The following CEP112 variants were observed in gnomAD, a reference collection of about 807,000 sequenced individuals.
CEP112 encodes centrosomal protein of 112 kDa.
CEP112 carries 127 observed loss-of-function variants against 153.0 expected under a neutral mutation model. The observed-to-expected ratio is 0.83, with a 90% CI of 0.72 to 0.96. The LOEUF (loss-of-function observed/expected upper bound fraction) is 0.96, where lower values mean the gene tolerates loss of function less well. CEP112 is among the 40% of genes least tolerant of loss of function. The probability of loss-of-function intolerance (pLI) is 0.00; values close to 1 mark genes in which losing one functional copy is unlikely to be tolerated. For synonymous variants in CEP112, 358 were observed against 374.4 expected (o/e 0.96, Z 0.51); for missense variants, 1,089 against 1,101.2 (o/e 0.99, Z 0.16).
chr17:65,880,871 T>G (rs1305485516), intron 20 of CEP112, among the ~76,000 whole-genome samples: 1 of 152,200 alleles, frequency 6.6e-6, no homozygotes, highest in Non-Finnish European at 1.5e-5. Flanking sequence ...CAACACTTAT[T>G]AATTCCAAAA....
intron 20 of CEP112, among the ~76,000 whole-genome samples, chr17:65,855,916 G>C (rs2058105489): frequency 6.6e-6 from 1 of 151,984 alleles, no homozygotes. Context: ...ATACAGAAAT[G>C]AGTCAGGTGT....
chr17:65,669,026 C>A (rs1408538380), intron 24 of CEP112, among the ~76,000 whole-genome samples: 3 of 152,240 alleles, frequency 2.0e-5, no homozygotes, highest in Non-Finnish European at 2.9e-5. Flanking sequence ...CATTAGAAAG[C>A]CTCTGATTGT....
intron 11 of CEP112, among the ~76,000 whole-genome samples, chr17:66,062,413 C>T (rs1465761688): frequency 2.0e-5 from 3 of 151,804 alleles, no homozygotes; most frequent in Admixed American, 6.6e-5. Flanking sequence ...AATGTCCTCA[C>T]CAAAAAGAAC....
At chr17:65,900,840 C>T (rs945739955) in intron 20 of CEP112, among the ~76,000 whole-genome samples, 7 of 152,140 alleles carry the variant, frequency 4.6e-5, no homozygotes, top group Non-Finnish European at 1.0e-4. Context: ...GATGATTTAA[C>T]AGGAACCACC....
intron 4 of CEP112, among the ~76,000 whole-genome samples, chr17:66,165,084 G>A (rs1416497096): frequency 6.6e-6 from 1 of 150,782 alleles, no homozygotes; most frequent in Non-Finnish European, 1.5e-5. Context: ...ATGTGGCAGA[G>A]CCAGTTTCTA....
chr17:65,877,185 C>T (rs911380341), intron 20 of CEP112, among the ~76,000 whole-genome samples: 1 of 152,210 alleles, frequency 6.6e-6, no homozygotes, highest in Non-Finnish European at 1.5e-5. Flanking sequence ...GTTTTCCCAC[C>T]TTGGGCTTTC....
chr17:65,922,202 C>T (rs1327298064), intron 19 of CEP112, among the ~76,000 whole-genome samples: 1 of 152,114 alleles, frequency 6.6e-6, no homozygotes, highest in African/African-American at 2.4e-5. Flanking sequence ...GATGTTTCTA[C>T]ATGGCTGTTC....
At chr17:65,716,327 T>C (rs2049513455) in intron 23 of CEP112, among the ~76,000 whole-genome samples, 1 of 152,032 alleles carries the variant, frequency 6.6e-6, no homozygotes, top group Admixed American at 6.5e-5. Context: ...AGGCTAATTT[T>C]TTTTTGTATA....
intron 21 of CEP112, among the ~76,000 whole-genome samples, chr17:65,850,897 T>C (rs2057907470): frequency 1.3e-5 from 2 of 152,220 alleles, no homozygotes; most frequent in South Asian, 2.1e-4. Flanking sequence ...TCTGGGTTCA[T>C]AGCTATGCTA....
At chr17:66,079,234 GTTCGAGAC>G (rs1188340395) in intron 8 of CEP112, among the ~76,000 whole-genome samples, 1 of 152,142 alleles carries the variant, frequency 6.6e-6, no homozygotes, top group Non-Finnish European at 1.5e-5. Context: ...GAGGTCAGTA[GTTCGAGAC>G]CAGCCTGATC....
chr17:65,809,513 G>A (rs1433062547), intron 21 of CEP112, among the ~76,000 whole-genome samples: 2 of 152,320 alleles, frequency 1.3e-5, no homozygotes, highest in East Asian at 3.9e-4. Context: ...GGTAATGACA[G>A]ACGTGATGGG....
intron 21 of CEP112, among the ~76,000 whole-genome samples, chr17:65,820,730 C>T (rs781180227): frequency 6.6e-6 from 1 of 151,994 alleles, no homozygotes; most frequent in Non-Finnish European, 1.5e-5. Flanking sequence ...GTTGAATAAA[C>T]ACCAGAATCC....
At chr17:65,696,725 G>A (rs2048376161) in intron 23 of CEP112, among the ~76,000 whole-genome samples, 1 of 152,060 alleles carries the variant, frequency 6.6e-6, no homozygotes, top group African/African-American at 2.4e-5. Flanking sequence ...CTTGAAGCGG[G>A]GTGATGGGTA....
At chr17:65,685,052 G>A (rs232115) in intron 24 of CEP112, among the ~76,000 whole-genome samples, 99,182 of 152,090 alleles carry the variant, frequency 0.65, 34,945 homozygotes, top group African/African-American at 0.91. Context: ...TGATTCTATT[G>A]GTGTTATTTC....
intron 8 of CEP112, among the ~76,000 whole-genome samples, chr17:66,085,415 T>C (rs2067882925): frequency 6.6e-6 from 1 of 152,172 alleles, no homozygotes; most frequent in Non-Finnish European, 1.5e-5. Flanking sequence ...CAATCTAAAA[T>C]GCAAATGTGC....
intron 21 of CEP112, among the ~76,000 whole-genome samples, chr17:65,751,467 A>G (rs1386892579): frequency 6.6e-6 from 1 of 152,132 alleles, no homozygotes; most frequent in Non-Finnish European, 1.5e-5. Context: ...TCTTTTCCCC[A>G]TCAATCATGC....
At chr17:65,870,025 G>GAA (rs1258622233) in intron 20 of CEP112, among the ~76,000 whole-genome samples, 2 of 54,114 alleles carry the variant, frequency 3.7e-5, no homozygotes, top group Non-Finnish European at 8.7e-5. Context: ...AAGAAAGAAA[G>GAA]AAAGAAAGAA....
chr17:65,818,579 G>A (rs1289591251), intron 21 of CEP112, among the ~76,000 whole-genome samples: 1 of 151,716 alleles, frequency 6.6e-6, no homozygotes, highest in Non-Finnish European at 1.5e-5. Flanking sequence ...TCAATTTTGT[G>A]ATAACTTTCT....
At chr17:65,895,971 T>C (rs2059645648) in intron 20 of CEP112, among the ~76,000 whole-genome samples, 1 of 152,096 alleles carries the variant, frequency 6.6e-6, no homozygotes, top group South Asian at 2.1e-4. Context: ...TAATTACCTC[T>C]TCTTCAAGAA....
Sources: allele counts gnomAD v4.1 joint callset (sites outside exome capture counted in the v4.1 genomes callset), GRCh38; gene constraint gnomAD v4.1.1; transcripts MANE v1.5; gene names NCBI Gene and HGNC (gene_info 2026-07-23, HGNC 2026-07-21).